NRXN1: variants seen among roughly 807,000 people sequenced by gnomAD.
NRXN1 encodes the protein neurexin 1.
A neutral mutation model predicts 150.9 loss-of-function variants in NRXN1; 39 were observed. That is an observed-to-expected ratio of 0.26 (90% CI 0.20 to 0.34). The LOEUF (loss-of-function observed/expected upper bound fraction) is 0.34. Among genes scored for constraint, NRXN1 ranks in the 10% least tolerant of loss-of-function variants. The pLI, the probability that NRXN1 is intolerant of heterozygous loss-of-function variation, is 1.00. For missense variants in NRXN1, 1,815 were observed against 1,949.9 expected, an observed-to-expected ratio of 0.93 and a Z score of 1.30; for synonymous variants, 924 against 757.0, an observed-to-expected ratio of 1.22 and a Z score of -3.62.
chr2:49,994,576 G>C (rs1455246987), intron 21 of NRXN1, among the ~76,000 whole-genome samples: 1 of 152,096 alleles, frequency 6.6e-6, no homozygotes. Context: ...AAGTATCTCA[G>C]AGATCACATG....
At chr2:50,927,668 T>C (rs545369825) in intron 2 of NRXN1, among the ~76,000 whole-genome samples, 3 of 152,168 alleles carry the variant, frequency 2.0e-5, no homozygotes, top group African/African-American at 4.8e-5. Context: ...AACTTTGAAA[T>C]TGTATCTTCT....
intron 2 of NRXN1, among the ~76,000 whole-genome samples, chr2:50,939,556 C>A (rs1347471908): frequency 6.6e-6 from 1 of 151,998 alleles, no homozygotes; most frequent in Non-Finnish European, 1.5e-5. Context: ...TCTCAAGCAA[C>A]TTTTCTTTTC....
intron 17 of NRXN1, among the ~76,000 whole-genome samples, chr2:50,405,720 G>T (rs2082709136): frequency 6.6e-6 from 1 of 151,988 alleles, no homozygotes; most frequent in Non-Finnish European, 1.5e-5. Context: ...TTTGCTCCCA[G>T]GTTTATTACT....
At chr2:50,866,856 C>G (rs895622455) in intron 5 of NRXN1, among the ~76,000 whole-genome samples, 1 of 151,888 alleles carries the variant, frequency 6.6e-6, no homozygotes, top group African/African-American at 2.4e-5. Flanking sequence ...ATTCATTAAA[C>G]TTGGCTCCTT....
chr2:49,946,059 T>C (rs1045317031), intron 21 of NRXN1, among the ~76,000 whole-genome samples: 2 of 152,192 alleles, frequency 1.3e-5, no homozygotes, highest in Admixed American at 1.3e-4. Flanking sequence ...GCTTCCTGAC[T>C]TTTTAATGAT....
intron 2 of NRXN1, among the ~76,000 whole-genome samples, chr2:50,977,959 C>A (rs901783847): frequency 6.6e-6 from 1 of 151,564 alleles, no homozygotes; most frequent in African/African-American, 2.4e-5. Flanking sequence ...AAGCTATACA[C>A]CTTTTCTTCT....
chr2:50,604,077 C>G (rs1676712070), intron 8 of NRXN1, among the ~76,000 whole-genome samples: 1 of 151,876 alleles, frequency 6.6e-6, no homozygotes, highest in Non-Finnish European at 1.5e-5. Flanking sequence ...TTTGAAGAAT[C>G]TCTACACTGT....
chr2:50,961,588 G>A (rs1390769595), intron 2 of NRXN1, among the ~76,000 whole-genome samples: 1 of 151,754 alleles, frequency 6.6e-6, no homozygotes, highest in Admixed American at 6.6e-5. Context: ...AATCTAGGAA[G>A]TTAAATTGAA....
chr2:50,611,834 G>A (rs944675919), intron 8 of NRXN1, among the ~76,000 whole-genome samples: 1 of 152,090 alleles, frequency 6.6e-6, no homozygotes, highest in Non-Finnish European at 1.5e-5. Flanking sequence ...ATTCAACCCG[G>A]GGAGTGGGAA....
chr2:50,327,695 G>C (rs1398429298), intron 17 of NRXN1, among the ~76,000 whole-genome samples: 1 of 150,586 alleles, frequency 6.6e-6, no homozygotes, highest in Non-Finnish European at 1.5e-5. Flanking sequence ...TTTCACCCGG[G>C]CTGAAGTGCA....
At chr2:50,879,858 TA>T (rs1679170771) in intron 5 of NRXN1, among the ~76,000 whole-genome samples, 1 of 151,910 alleles carries the variant, frequency 6.6e-6, no homozygotes, top group African/African-American at 2.4e-5. Flanking sequence ...AAAGTAGCAT[TA>T]AAAGGAGGTG....
chr2:50,568,886 C>T (rs1357751808), intron 8 of NRXN1, among the ~76,000 whole-genome samples: 1 of 152,052 alleles, frequency 6.6e-6, no homozygotes, highest in Non-Finnish European at 1.5e-5. Context: ...GATTTGGAAG[C>T]AACCTAAGTG....
intron 17 of NRXN1, among the ~76,000 whole-genome samples, chr2:50,441,051 T>C (rs2085907059): frequency 6.6e-6 from 1 of 152,198 alleles, no homozygotes; most frequent in Non-Finnish European, 1.5e-5. Flanking sequence ...ACAGAGAAGA[T>C]TATCAAATTT....
At chr2:50,956,947 TG>T (rs1421220468) in intron 2 of NRXN1, among the ~76,000 whole-genome samples, 1 of 152,008 alleles carries the variant, frequency 6.6e-6, no homozygotes. Context: ...AGAGGGAGTT[TG>T]AAACCAGAGC....
intron 21 of NRXN1, among the ~76,000 whole-genome samples, chr2:49,985,280 T>C (rs1680707996): frequency 1.3e-5 from 2 of 152,192 alleles, no homozygotes; most frequent in South Asian, 4.1e-4. Flanking sequence ...AGGATTTGCA[T>C]AGACTATTTT....
At chr2:50,101,285 C>T (rs1437725541) in intron 18 of NRXN1, among the ~76,000 whole-genome samples, 1 of 151,914 alleles carries the variant, frequency 6.6e-6, no homozygotes, top group Admixed American at 6.6e-5. Context: ...GTCTTTGGAC[C>T]ATTGCACTCT....
At chr2:50,840,384 A>G (rs1283195555) in intron 5 of NRXN1, among the ~76,000 whole-genome samples, 1 of 152,214 alleles carries the variant, frequency 6.6e-6, no homozygotes, top group East Asian at 1.9e-4. Context: ...CAACAATAAC[A>G]ATTTTCTCTC....
At chr2:50,556,404 T>C (rs1247528545) in intron 8 of NRXN1, among the ~76,000 whole-genome samples, 5 of 152,178 alleles carry the variant, frequency 3.3e-5, no homozygotes, top group Admixed American at 1.3e-4. Context: ...GTTTCACTTT[T>C]GAACAAGTTT....
At chr2:50,607,894 G>A (rs1677393555) in intron 8 of NRXN1, among the ~76,000 whole-genome samples, 2 of 152,052 alleles carry the variant, frequency 1.3e-5, no homozygotes, top group Non-Finnish European at 2.9e-5. Context: ...CAAGACTGCA[G>A]CTGCTCCTAA....
Sources: allele counts gnomAD v4.1 joint callset (sites outside exome capture counted in the v4.1 genomes callset), GRCh38; gene constraint gnomAD v4.1.1; transcripts MANE v1.5; gene names NCBI Gene and HGNC (gene_info 2026-07-23, HGNC 2026-07-21).